PUM1: variants seen among roughly 807,000 people sequenced by gnomAD.
PUM1 encodes pumilio RNA binding family member 1, also known as pumilio homolog 1.
Under a neutral mutation model 131.8 loss-of-function variants are expected in PUM1, and 13 were observed. The observed-to-expected ratio is 0.10, with a 90% CI of 0.06 to 0.16. PUM1 has a LOEUF of 0.16. Ranked by LOEUF, PUM1 falls within the 10% of genes least tolerant of loss-of-function variation. The pLI, the probability that PUM1 is intolerant of heterozygous loss-of-function variation, is 1.00. For synonymous variants in PUM1, 509 were observed against 556.5 expected (o/e 0.91, Z 1.20); for missense variants, 961 against 1,512.4 (o/e 0.64, Z 6.05).
intron 6 of PUM1, among the ~76,000 whole-genome samples, chr1:30,993,603 C>A (rs1641878454): frequency 6.6e-6 from 1 of 152,066 alleles, no homozygotes; most frequent in Non-Finnish European, 1.5e-5. Flanking sequence ...TATTCTGGTT[C>A]CTTCTCTTTC....
chr1:30,936,969 C>T (rs950610583), intron 20 of PUM1, 134 bp from the exon 21 acceptor site: 5 of 715,194 alleles, frequency 7.0e-6, no homozygotes, highest in African/African-American at 1.8e-5. Flanking sequence ...GAAGATGAGT[C>T]GCCAACTGTC....
intron 5 of PUM1, 35 bp from the exon 6 acceptor site, chr1:30,995,255 C>T (rs1266083091): frequency 6.2e-7 from 1 of 1,611,294 alleles, no homozygotes; most frequent in Non-Finnish European, 8.5e-7. Context: ...CACTAATCGT[C>T]ATCAACTAAT....
At chr1:30,950,377 C>A (rs1197724244) in intron 16 of PUM1, 116 bp from the exon 17 acceptor site, 4 of 1,048,064 alleles carry the variant, frequency 3.8e-6, no homozygotes, top group South Asian at 2.1e-5. Flanking sequence ...AGCCCTGATA[C>A]CCATGATTAA....
chr1:30,957,515 T>C (rs72657282), intron 14 of PUM1, among the ~76,000 whole-genome samples: 10,922 of 152,224 alleles, frequency 0.072, 647 homozygotes, highest in East Asian at 0.28. Flanking sequence ...AAAAGAAACA[T>C]TTCTCATAAG....
chr1:30,947,871 A>AT lies in PUM1; in HGVS notation c.2856+2255dup, dbSNP rs755403369. On this transcript the variant is annotated intron_variant, in intron 17 of 21. Coordinates refer to ENST00000426105, the MANE Select transcript of PUM1 (RefSeq NM_001020658.2). ...TTAACCAAGTGTCAGAAGGGAATAA[A>AT]TTTTTTTTTTTTTTTTTTTTGAAAC... Among the ~76,000 whole-genome samples the AT allele has an allele frequency of 9.1e-3, 1,289 of 141,210 alleles. 11 individuals carry two copies. Among genetic ancestry groups the AT allele is most frequent in the East Asian group, 0.017 (82 of 4,896 alleles). 92.6% of individuals were successfully genotyped at this position (141,210 alleles called of 152,430 possible).
chr1:31,015,997 A>C (rs1325602958), intron 3 of PUM1, among the ~76,000 whole-genome samples: 1 of 152,204 alleles, frequency 6.6e-6, no homozygotes, highest in Non-Finnish European at 1.5e-5. Context: ...TCAAAAGGGC[A>C]AAAGTTAATA....
At chr1:30,963,034 A>G (rs1377659007) in intron 14 of PUM1, among the ~76,000 whole-genome samples, 1 of 152,246 alleles carries the variant, frequency 6.6e-6, no homozygotes, top group Non-Finnish European at 1.5e-5. Context: ...ATACACTGAA[A>G]CTGCATGCTT....
chr1:31,009,782 A>AAAAAAAAAAAAAAAAAAACAAAAAC lies in PUM1; in HGVS notation c.433-2681_433-2680insGTTTTTGTTTTTTTTTTTTTTTTTT, dbSNP rs375044466. Among the ~76,000 whole-genome samples, 33 of 125,352 alleles carry AAAAAAAAAAAAAAAAAAACAAAAAC rather than the reference A, an allele frequency of 2.6e-4. 1 individual carries two copies. The highest frequency in any genetic ancestry group is 5.3e-4 in the African/African-American group (16 of 30,406). 82.2% of individuals were successfully genotyped at this position (125,352 alleles called of 152,430 possible). A position where few individuals can be genotyped will look rare whatever the true frequency, so the allele number is the denominator to read the frequency against. ...GACTCTGTCTCAAAAAAAAAAAAAA[A>AAAAAAAAAAAAAAAAAAACAAAAAC]AAAAACAAAAACAGAAACAAAAAAA... On this transcript the variant is annotated intron_variant, in intron 3 of 21. Transcript: ENST00000426105.
chr1:31,056,552 A>G (rs2002492), intron 2 of PUM1, among the ~76,000 whole-genome samples: 42,571 of 144,012 alleles, frequency 0.3, 7,880 homozygotes, highest in East Asian at 0.55. Flanking sequence ...CAAAGTGTTG[A>G]GATTGCAGGG....
At chr1:31,012,925 T>G (rs1642676140) in intron 3 of PUM1, among the ~76,000 whole-genome samples, 1 of 152,216 alleles carries the variant, frequency 6.6e-6, no homozygotes, top group South Asian at 2.1e-4. Context: ...GTGAATTTTA[T>G]CCTCTTCTGC....
intron 2 of PUM1, among the ~76,000 whole-genome samples, chr1:31,055,924 A>C (rs996406110): frequency 2.6e-5 from 4 of 152,122 alleles, no homozygotes; most frequent in Admixed American, 2.6e-4. Flanking sequence ...ACAACAAAAG[A>C]TCTTATAGAT....
At position 30,953,806 on chromosome 1, in the gene PUM1, C is replaced by T. The variant is rs751417454; in HGVS notation, c.2499G>A (p.Leu833=). ...GGTACCGGTTGTTTCGAAAATCTTC[C>T]AAAAGCCTGCTCCTGCCAGAAGGCA... ...DVMPSGRSRL[L]EDFRNNRYPN... The change falls in exon 15 of 22, where the codon TTG becomes TTA. Residue 833 remains leucine, a synonymous_variant. Coordinates refer to ENST00000426105, the MANE Select transcript of PUM1 (RefSeq NM_001020658.2). 2 of 1,614,176 alleles carry T rather than the reference C, an allele frequency of 1.2e-6. No individual in the cohort carries two copies. Among genetic ancestry groups the T allele is most frequent in the Admixed American group, 1.7e-5 (1 of 60,028 alleles).
At chr1:30,940,432 T>C (rs1639397903) in intron 20 of PUM1, among the ~76,000 whole-genome samples, 2 of 152,192 alleles carry the variant, frequency 1.3e-5, no homozygotes, top group Non-Finnish European at 2.9e-5. Context: ...GCCGACACTG[T>C]GCCACTGCAC....
At position 30,938,758 on chromosome 1, in the gene PUM1, G is replaced by A. The variant is rs372732085; in HGVS notation, c.3243-1923C>T. On this transcript the variant is annotated intron_variant, in intron 20 of 21. Coordinates refer to ENST00000426105, the MANE Select transcript of PUM1 (RefSeq NM_001020658.2). ...CGGACACCTGTAGTCCCAGCTACTC[G>A]GGAGGCTGAGGCAGGAGAATGGTGT... is the stretch of plus-strand genomic sequence containing the variant. 9.9e-4 allele frequency among the ~76,000 whole-genome samples: 151 copies of A among 152,160 alleles called. 3 individuals are homozygous for A. The highest frequency in any genetic ancestry group is 3.4e-3 in the African/African-American group (142 of 41,538).
intron 2 of PUM1, among the ~76,000 whole-genome samples, chr1:31,054,102 A>C (rs1644178849): frequency 6.8e-6 from 1 of 146,454 alleles, no homozygotes; most frequent in Non-Finnish European, 1.5e-5. Flanking sequence ...TCAAAAAAAA[A>C]AAAAAAAAAA....
intron 6 of PUM1, among the ~76,000 whole-genome samples, chr1:30,993,205 G>T (rs932095657): frequency 1.3e-5 from 2 of 152,036 alleles, no homozygotes; most frequent in African/African-American, 4.8e-5. Flanking sequence ...CTAAGAAACC[G>T]AAATAAGCAG....
chr1:31,034,379 C>A (rs182897557), intron 2 of PUM1, among the ~76,000 whole-genome samples: 579 of 152,276 alleles, frequency 3.8e-3, no homozygotes, highest in Admixed American at 5.4e-3. Context: ...AGGCTCACAC[C>A]TGCAATCACA....
intron 2 of PUM1, chr1:31,036,616 G>C (rs1328233096): frequency 2.0e-5 from 3 of 152,280 alleles, no homozygotes; most frequent in African/African-American, 7.2e-5. Context: ...AATGGGATTG[G>C]ACAGCAGGGG....
chr1:31,025,372 A>G (rs949525693), intron 3 of PUM1, among the ~76,000 whole-genome samples: 3 of 152,284 alleles, frequency 2.0e-5, no homozygotes, highest in East Asian at 3.9e-4. Flanking sequence ...GACTCCATAC[A>G]TTCTTTACAT....
Sources: allele counts gnomAD v4.1 joint callset (sites outside exome capture counted in the v4.1 genomes callset), GRCh38; gene constraint gnomAD v4.1.1; transcripts MANE v1.5; gene names NCBI Gene and HGNC (gene_info 2026-07-23, HGNC 2026-07-21).